Variants in CDH1 observed in about 807,000 individuals in gnomAD.
The protein encoded by CDH1 is cadherin 1.
A neutral mutation model predicts 84.5 loss-of-function variants in CDH1; 35 were observed. The observed-to-expected ratio is 0.41, with a 90% CI of 0.32 to 0.55. CDH1 has a LOEUF of 0.55. Among genes scored for constraint, CDH1 ranks in the 20% least tolerant of loss-of-function variants. The probability of loss-of-function intolerance (pLI) is 0.19; values close to 1 mark genes in which losing one functional copy is unlikely to be tolerated. For synonymous variants in CDH1, 417 were observed against 439.0 expected (o/e 0.95, Z 0.63); for missense variants, 994 against 1,126.6 (o/e 0.88, Z 1.68).
At position 68,833,955 on chromosome 16, in the gene CDH1, T is replaced by C; in HGVS notation, c.*456T>C. The C allele has an allele frequency of 3.0e-6, 1 of 335,322 alleles. No homozygotes were observed. Among genetic ancestry groups the C allele is most frequent in the Non-Finnish European group, 5.6e-6 (1 of 179,318 alleles). The allele number at this position is 335,322 out of a possible 1,614,324, so 20.8% of individuals were successfully genotyped here. ...GCTCATTACTACACTGGTGTGTCCC[T>C]CTGCCTTTTTTTTTTTTTTAAGACA... On this transcript the variant is annotated 3_prime_UTR_variant, in exon 16 of 16. Coordinates refer to ENST00000261769, the MANE Select transcript of CDH1 (RefSeq NM_004360.5).
At position 68,811,945 on chromosome 16, in the gene CDH1, A is replaced by C. The variant is rs1960847902; in HGVS notation, c.1008+86A>C. 3 of 1,508,028 alleles carry C rather than the reference A, an allele frequency of 2.0e-6. No homozygotes were observed. In the East Asian group the frequency reaches 6.8e-5, roughly 34 times the overall value. 93.4% of individuals were successfully genotyped at this position (1,508,028 alleles called of 1,614,324 possible). ...GGACAAAGCAAAATCCTGCTAGGCC[A>C]GTTGTCAGTTAATACAGTGATGGTC... On this transcript the variant is annotated intron_variant, in intron 7 of 15. Transcript: ENST00000261769.
rs189596869 is a variant in CDH1 at position 68,770,157 on chromosome 16, G to A, written c.164-31513G>A. Among the ~76,000 whole-genome samples the A allele has an allele frequency of 3.5e-3, 528 of 152,116 alleles. 4 individuals carry two copies. Among genetic ancestry groups the A allele is most frequent in the African/African-American group, 0.012 (496 of 41,502 alleles). On this transcript the variant is annotated intron_variant, in intron 2 of 15. Transcript: ENST00000261769. ...GCCTCAGAATCATAAAGTTGGAAGGGCTTTTGGGGCCACCTGGCCTAGCCC... is the reference window on the plus strand; with the variant it reads ...GCCTCAGAATCATAAAGTTGGAAGGACTTTTGGGGCCACCTGGCCTAGCCC...
intron 2 of CDH1, among the ~76,000 whole-genome samples, chr16:68,795,838 C>T (rs991598412): frequency 8.6e-5 from 13 of 151,662 alleles, no homozygotes; most frequent in African/African-American, 3.1e-4. Context: ...GTAACTGAGG[C>T]TGAGCTCTCA....
chr16:68,796,000 A>G (rs1012063898), intron 2 of CDH1, among the ~76,000 whole-genome samples: 3 of 151,736 alleles, frequency 2.0e-5, no homozygotes, highest in Non-Finnish European at 4.4e-5. Context: ...CGTCTCTACT[A>G]AAAATACAAA....
intron 14 of CDH1, among the ~76,000 whole-genome samples, chr16:68,829,038 G>C (rs7203904): frequency 0.32 from 49,008 of 152,004 alleles, 9,180 homozygotes; most frequent in African/African-American, 0.54. Flanking sequence ...GCAACCAATC[G>C]TGGAATCTCA....
At chr16:68,817,556 C>T (rs1000547687) in intron 10 of CDH1, among the ~76,000 whole-genome samples, 4 of 152,144 alleles carry the variant, frequency 2.6e-5, no homozygotes, top group Admixed American at 6.5e-5. Flanking sequence ...TGGCCTTTCC[C>T]TTATCCAAGT....
At chr16:68,747,631 G>C (rs1567476322) in intron 2 of CDH1, among the ~76,000 whole-genome samples, 1 of 152,108 alleles carries the variant, frequency 6.6e-6, no homozygotes, top group Non-Finnish European at 1.5e-5. Flanking sequence ...GGAAATACAA[G>C]CATAGTCTTC....
At chr16:68,807,626 C>T (rs1960699702) in intron 3 of CDH1, among the ~76,000 whole-genome samples, 1 of 151,972 alleles carries the variant, frequency 6.6e-6, no homozygotes, top group South Asian at 2.1e-4. Flanking sequence ...GAGTTCAAGG[C>T]TGCAGTGAGC....
intron 2 of CDH1, among the ~76,000 whole-genome samples, chr16:68,798,792 T>C (rs1249211850): frequency 6.6e-6 from 1 of 152,114 alleles, no homozygotes; most frequent in Non-Finnish European, 1.5e-5. Context: ...GGGGGAGGAC[T>C]CTTTGAAGAG....
intron 2 of CDH1, among the ~76,000 whole-genome samples, chr16:68,780,340 C>T (rs891371203): frequency 6.6e-6 from 1 of 152,096 alleles, no homozygotes; most frequent in Non-Finnish European, 1.5e-5. Flanking sequence ...CTCCCTTTGT[C>T]ACCCAGGTTG....
intron 2 of CDH1, among the ~76,000 whole-genome samples, chr16:68,797,435 C>T (rs1193518670): frequency 6.6e-6 from 1 of 152,110 alleles, no homozygotes; most frequent in Non-Finnish European, 1.5e-5. Flanking sequence ...GTAATCCCAG[C>T]ACTTTGGGAG....
chr16:68,818,849 CAAAAAAA>C (rs758115524), intron 10 of CDH1, among the ~76,000 whole-genome samples: 1 of 72,502 alleles, frequency 1.4e-5, no homozygotes, highest in African/African-American at 4.1e-5. Flanking sequence ...GACTCCGTCT[CAAAAAAA>C]AAAAAAAAAA....
At chr16:68,793,339 T>C (rs1410743552) in intron 2 of CDH1, among the ~76,000 whole-genome samples, 2 of 152,166 alleles carry the variant, frequency 1.3e-5, no homozygotes, top group African/African-American at 4.8e-5. Flanking sequence ...AAGGCTCAAT[T>C]TTCATCCAAG....
intron 2 of CDH1, chr16:68,765,081 GA>G (rs1406119250): frequency 2.0e-5 from 3 of 152,222 alleles, no homozygotes; most frequent in Non-Finnish European, 4.4e-5. Context: ...AAGCTGAGCA[GA>G]AAACAGATCC....
Position 68,834,035 on chromosome 16 carries a change from C to T in CDH1, c.*536C>T. The T allele has an allele frequency of 2.7e-6, 1 of 370,580 alleles. No individual in the cohort carries two copies. Among genetic ancestry groups the T allele is most frequent in the Non-Finnish European group, 5.2e-6 (1 of 194,080 alleles). The allele number at this position is 370,580 out of a possible 1,614,324, so 23.0% of individuals were successfully genotyped here. A position where few individuals can be genotyped will look rare whatever the true frequency, so the allele number is the denominator to read the frequency against. On this transcript the variant is annotated 3_prime_UTR_variant, in exon 16 of 16. Coordinates refer to ENST00000261769, the MANE Select transcript of CDH1 (RefSeq NM_004360.5). ...GCAGTGGTGCAATCACAGCTCACTG[C>T]AGCCTTGTCCTCCCAGGCTCAAGCT...
At chr16:68,831,642 C>A (rs890971162) in intron 15 of CDH1, among the ~76,000 whole-genome samples, 1 of 151,914 alleles carries the variant, frequency 6.6e-6, no homozygotes. Flanking sequence ...TAGATTCAAG[C>A]GATTCTCCTG....
At position 68,813,382 on chromosome 16, in the gene CDH1, G is replaced by A. The variant is rs1960893623; in HGVS notation, c.1207G>A (p.Ala403Thr). ...CACACTGAAAGTGACTGATGCTGATGCCCCCAATACCCCAGCGTGGGAGGC... is the reference window on the plus strand; with the variant it reads ...CACACTGAAAGTGACTGATGCTGATACCCCCAATACCCCAGCGTGGGAGGC... ...ITTLKVTDAD[A>T]PNTPAWEAVY... The change falls in exon 9 of 16, where the codon GCC becomes ACC. Residue 403 changes from alanine (A) to threonine (T), a missense_variant. Around this residue, in one of 3 missense-constraint regions of CDH1, gnomAD observed 769 missense variants for 881.8 expected, o/e 0.87. Coordinates refer to ENST00000261769, the MANE Select transcript of CDH1 (RefSeq NM_004360.5). 1 of 1,614,150 alleles carries A rather than the reference G, an allele frequency of 6.2e-7. No individual in the cohort carries two copies. Among genetic ancestry groups the A allele is most frequent in the Non-Finnish European group, 8.5e-7 (1 of 1,180,028 alleles).
chr16:68,748,127 T>C (rs1597847273), intron 2 of CDH1, among the ~76,000 whole-genome samples: 1 of 149,884 alleles, frequency 6.7e-6, no homozygotes, highest in Admixed American at 6.6e-5. Context: ...TTTTTTTTTT[T>C]TTGAGACAGA....
chr16:68,763,420 A>C (rs1335105645), intron 2 of CDH1: 1 of 152,244 alleles, frequency 6.6e-6, no homozygotes, highest in Admixed American at 6.5e-5. Flanking sequence ...TTATGGCCAC[A>C]GTCCATTGGC....
Sources: allele counts gnomAD v4.1 joint callset (sites outside exome capture counted in the v4.1 genomes callset), GRCh38; gene constraint gnomAD v4.1.1; regional missense constraint gnomAD v4.1.1; transcripts MANE v1.5; gene names NCBI Gene and HGNC (gene_info 2026-07-23, HGNC 2026-07-21).